Variants in PTPRD observed in about 807,000 individuals in gnomAD.
The protein encoded by PTPRD is receptor-type tyrosine-protein phosphatase delta.
In PTPRD, 34 loss-of-function variants were observed where a neutral mutation model predicts 214.5. That is an observed-to-expected ratio of 0.16 (90% CI 0.12 to 0.21). The LOEUF is 0.21. Ranked by LOEUF, PTPRD falls within the 10% of genes least tolerant of loss-of-function variation. The pLI, the probability that PTPRD is intolerant of heterozygous loss-of-function variation, is 1.00. For synonymous variants in PTPRD, 1,128 were observed against 845.7 expected (o/e 1.33, Z -5.79); for missense variants, 2,545 against 2,398.7 (o/e 1.06, Z -1.27).
intron 2 of PTPRD, among the ~76,000 whole-genome samples, chr9:10,536,759 C>T (rs2057900895): frequency 6.6e-6 from 1 of 152,140 alleles, no homozygotes; most frequent in Non-Finnish European, 1.5e-5. Flanking sequence ...GAAAAGTCAG[C>T]TGTCTCATTA....
At chr9:10,199,290 G>A (rs2099410220) in intron 3 of PTPRD, among the ~76,000 whole-genome samples, 1 of 151,950 alleles carries the variant, frequency 6.6e-6, no homozygotes, top group Admixed American at 6.6e-5. Context: ...TCTAATATAT[G>A]ACAATTCTCA....
intron 11 of PTPRD, among the ~76,000 whole-genome samples, chr9:8,754,382 T>C (rs1047589567): frequency 1.3e-5 from 2 of 152,264 alleles, no homozygotes; most frequent in South Asian, 2.1e-4. Context: ...GAAATTAAGA[T>C]GGTGAAGTGT....
chr9:9,595,290 A>ATATATATATATATATAT (rs2093189448), intron 7 of PTPRD, among the ~76,000 whole-genome samples: 1 of 3,002 alleles, frequency 3.3e-4, no homozygotes, highest in South Asian at 0.033. Context: ...TATATATATT[A>ATATATATATATATATAT]TATATATATA....
At chr9:9,526,097 A>G (rs1459382354) in intron 8 of PTPRD, among the ~76,000 whole-genome samples, 2 of 152,320 alleles carry the variant, frequency 1.3e-5, no homozygotes, top group East Asian at 3.9e-4. Context: ...AAAAAAATAC[A>G]TTATACATAT....
intron 10 of PTPRD, among the ~76,000 whole-genome samples, chr9:9,028,523 A>G (rs2099594589): frequency 6.6e-6 from 1 of 152,018 alleles, no homozygotes. Flanking sequence ...ACAGTGTGGT[A>G]TCATAGTAAT....
At chr9:9,911,283 T>C (rs16930559) in intron 5 of PTPRD, among the ~76,000 whole-genome samples, 18,948 of 152,064 alleles carry the variant, frequency 0.12, 1,240 homozygotes, top group South Asian at 0.21. Context: ...ATTGTGACAC[T>C]TCTTATAGCT....
At chr9:8,688,292 CGTGGTGGCTG>C (rs2097726584) in intron 12 of PTPRD, among the ~76,000 whole-genome samples, 1 of 152,092 alleles carries the variant, frequency 6.6e-6, no homozygotes, top group Non-Finnish European at 1.5e-5. Context: ...TATAGCCAGG[CGTGGTGGCTG>C]ACGCCTGTAA....
intron 3 of PTPRD, among the ~76,000 whole-genome samples, chr9:10,334,973 T>G (rs951388769): frequency 1.3e-4 from 20 of 151,726 alleles, no homozygotes; most frequent in Admixed American, 9.9e-4. Context: ...TATTCCATGT[T>G]CAAGAACAAG....
At chr9:10,244,566 G>GA (rs1423256226) in intron 3 of PTPRD, among the ~76,000 whole-genome samples, 5 of 143,214 alleles carry the variant, frequency 3.5e-5, no homozygotes, top group Non-Finnish European at 6.2e-5. Flanking sequence ...TAAGCAGGAG[G>GA]AAAAAAATTC....
intron 11 of PTPRD, among the ~76,000 whole-genome samples, chr9:8,788,584 T>G (rs1005296925): frequency 6.6e-6 from 1 of 152,152 alleles, no homozygotes; most frequent in African/African-American, 2.4e-5. Context: ...CAAGATGATA[T>G]TTTTTAACTT....
intron 5 of PTPRD, among the ~76,000 whole-genome samples, chr9:9,777,615 T>G (rs2098808779): frequency 6.6e-6 from 1 of 152,108 alleles, no homozygotes; most frequent in African/African-American, 2.4e-5. Flanking sequence ...GGAGAATTGC[T>G]TGAGCCAGGA....
intron 14 of PTPRD, among the ~76,000 whole-genome samples, chr9:8,617,562 T>G (rs2095654580): frequency 6.6e-6 from 1 of 152,130 alleles, no homozygotes; most frequent in Admixed American, 6.6e-5. Context: ...GTCCCTTCTC[T>G]GTAGCACCTC....
intron 43 of PTPRD, 62 bp from the exon 44 acceptor site, chr9:8,331,798 T>C (rs1841437938): frequency 6.7e-7 from 1 of 1,496,408 alleles, no homozygotes. Context: ...TCAGCAAGCA[T>C]ACGGACCACA....
chr9:10,009,270 C>G (rs2096549515), intron 4 of PTPRD, among the ~76,000 whole-genome samples: 1 of 151,918 alleles, frequency 6.6e-6, no homozygotes, highest in Admixed American at 6.6e-5. Context: ...GTGACCGAGG[C>G]TCAAAGTACA....
intron 14 of PTPRD, among the ~76,000 whole-genome samples, chr9:8,575,239 G>A (rs1258794517): frequency 1.3e-5 from 2 of 152,086 alleles, no homozygotes; most frequent in Non-Finnish European, 2.9e-5. Context: ...TTGTGTTCAT[G>A]AGAAAAGGAA....
At position 10,051,403 on chromosome 9, in the gene PTPRD, T is replaced by C. The variant is rs867358455; in HGVS notation, c.-544-17613A>G. 4.6e-5 allele frequency among the ~76,000 whole-genome samples: 7 copies of C among 152,132 alleles called. No homozygotes were observed. In the South Asian group the frequency reaches 1.2e-3, roughly 27 times the overall value. ...CTGCTGTTAGTCATCTCCAGTTTTT[T>C]CCTCCATGATATCTGTGATATTACA... On this transcript the variant is annotated intron_variant, in intron 3 of 45. Transcript: ENST00000381196.
intron 5 of PTPRD, among the ~76,000 whole-genome samples, chr9:9,843,159 A>G (rs1460119548): frequency 6.6e-6 from 1 of 152,072 alleles, no homozygotes; most frequent in East Asian, 1.9e-4. Context: ...AGACCTTCAA[A>G]TATTTATTCC....
intron 12 of PTPRD, among the ~76,000 whole-genome samples, chr9:8,724,516 C>G (rs148152319): frequency 2.6e-4 from 39 of 152,270 alleles, no homozygotes; most frequent in African/African-American, 9.1e-4. Flanking sequence ...TGCCTCATTG[C>G]TCTTTTAAAG....
At chr9:9,201,206 A>G (rs10977566) in intron 9 of PTPRD, among the ~76,000 whole-genome samples, 311 of 152,308 alleles carry the variant, frequency 2.0e-3, no homozygotes, top group Non-Finnish European at 3.2e-3. Flanking sequence ...CAGGAGCAAG[A>G]AGAAAACTAA....
Sources: gnomAD v4.1 joint callset for allele counts (sites outside exome capture counted in the v4.1 genomes callset) on GRCh38, gnomAD v4.1.1 for gene constraint, MANE v1.5 for transcripts, NCBI Gene and HGNC (gene_info 2026-07-23, HGNC 2026-07-21) for gene names.